CREBBP: variants seen among roughly 807,000 people sequenced by gnomAD.
The protein encoded by CREBBP is CREB binding lysine acetyltransferase.
In CREBBP, 19 loss-of-function variants were observed where a neutral mutation model predicts 265.0. The ratio of observed to expected loss-of-function variants is 0.07; its 90% confidence interval spans 0.05 to 0.11. The LOEUF (loss-of-function observed/expected upper bound fraction) is 0.11, where lower values mean the gene tolerates loss of function less well. CREBBP is among the 10% of genes least tolerant of loss of function. CREBBP has a pLI of 1.00. For missense variants in CREBBP, 2,525 were observed against 3,219.0 expected (o/e 0.78, Z 5.22); for synonymous variants, 1,457 against 1,223.7 (o/e 1.19, Z -3.98).
chr16:3,850,234 C>T, intron 2 of CREBBP, 63 bp downstream of exon 2: 1 of 1,556,384 alleles, frequency 6.4e-7, no homozygotes, highest in Non-Finnish European at 8.9e-7. Flanking sequence ...CCATTTTACG[C>T]ATTACTCGGA....
intron 5 of CREBBP, among the ~76,000 whole-genome samples, chr16:3,783,348 C>G (rs1317274248): frequency 6.6e-6 from 1 of 152,196 alleles, no homozygotes; most frequent in Admixed American, 6.5e-5. Context: ...TGACCCCAAC[C>G]CTGTCCTTCA....
In CREBBP at chr16:3,793,567, A is replaced by G; in HGVS notation, c.1035T>C (p.Thr345=). Residue 345 remains threonine (T), a synonymous_variant, in exon 4 of 31, where the codon ACT becomes ACC. Coordinates refer to ENST00000262367, the MANE Select transcript of CREBBP (RefSeq NM_004380.3). ...VPTQAIATGP[T]ADPEKRKLIQ... ...TCAGTTTGCGTTTTTCAGGATCTGC[A>G]GTGGGGCCTGTTGCAATTGCTTGTG... 1.2e-6 allele frequency: 2 copies of G among 1,614,064 alleles called. No homozygotes were observed. Among genetic ancestry groups the G allele is most frequent in the East Asian group, 4.5e-5 (2 of 44,882 alleles).
chr16:3,770,117 G>A (rs1394957458), intron 14 of CREBBP, among the ~76,000 whole-genome samples: 2 of 152,280 alleles, frequency 1.3e-5, no homozygotes, highest in South Asian at 2.1e-4. Flanking sequence ...TGATCCGCCT[G>A]CCTCAGCCTC....
intron 2 of CREBBP, among the ~76,000 whole-genome samples, chr16:3,813,310 G>A (rs1291804288): frequency 6.6e-6 from 1 of 152,160 alleles, no homozygotes; most frequent in African/African-American, 2.4e-5. Context: ...TAATTCTTCT[G>A]CAAGTCCACA....
At chr16:3,734,717 G>A (rs1274292104) in intron 28 of CREBBP, among the ~76,000 whole-genome samples, 1 of 151,606 alleles carries the variant, frequency 6.6e-6, no homozygotes, top group Non-Finnish European at 1.5e-5. Flanking sequence ...TCTGTCCTGC[G>A]AATGACACTC....
At chr16:3,878,642 A>G (rs2055452541) in intron 1 of CREBBP, among the ~76,000 whole-genome samples, 1 of 152,204 alleles carries the variant, frequency 6.6e-6, no homozygotes, top group Admixed American at 6.5e-5. Context: ...CCACAAGTTG[A>G]ACAGCTGTGT....
intron 2 of CREBBP, among the ~76,000 whole-genome samples, chr16:3,816,823 G>A (rs144966767): frequency 4.6e-5 from 7 of 152,270 alleles, no homozygotes; most frequent in East Asian, 3.9e-4. Flanking sequence ...GGGATGCAGC[G>A]GAAGGACCCA....
rs1567360724 is a variant in CREBBP at position 3,849,449 on chromosome 16, GTGT to G, written c.798+845_798+847del. On this transcript the variant is annotated intron_variant, in intron 2 of 30. Transcript: ENST00000262367. The stretch of plus-strand genomic sequence containing the variant: ...TGTGTGTGTGTGTGTGTGTGTGTGT[GTGT>G]GTGTGTGTGTGTGTGTGTGTGTGTG... Among the ~76,000 whole-genome samples, 144 of 49,070 alleles carry G rather than the reference GTGT, an allele frequency of 2.9e-3. 7 individuals are homozygous for G. The highest frequency in any genetic ancestry group is 3.7e-3 in the Non-Finnish European group (69 of 18,526). 32.2% of individuals were successfully genotyped at this position (49,070 alleles called of 152,430 possible).
At position 3,872,616 on chromosome 16, in the gene CREBBP, C is replaced by T. The variant is rs559665086; in HGVS notation, c.85+7216G>A. ...GGAGGGATGCACTGCAAGGAAAAGA[C>T]CTCAGAGAGGACTAAAGGGAACGCT... On this transcript the variant is annotated intron_variant, in intron 1 of 30. Transcript: ENST00000262367. Among the ~76,000 whole-genome samples, 42 of 152,308 alleles carry T rather than the reference C, an allele frequency of 2.8e-4. 1 individual carries two copies. The South Asian group carries it at 8.1e-3, about 29-fold the overall frequency.
At chr16:3,849,034 C>T (rs994317944) in intron 2 of CREBBP, among the ~76,000 whole-genome samples, 4 of 152,206 alleles carry the variant, frequency 2.6e-5, no homozygotes, top group Non-Finnish European at 5.9e-5. Context: ...GTGTTCTACT[C>T]TTATTCTCCC....
At chr16:3,802,125 T>A (rs1381692109) in intron 3 of CREBBP, among the ~76,000 whole-genome samples, 1 of 103,762 alleles carries the variant, frequency 9.6e-6, no homozygotes, top group Non-Finnish European at 1.9e-5. Context: ...TTTTTTTTTT[T>A]TTTTTTTTTT....
At chr16:3,810,454 TAGAGAG>T (rs1326398772) in intron 3 of CREBBP, 143 bp downstream of exon 3, 448 of 883,204 alleles carry the variant, frequency 5.1e-4, no homozygotes, top group Non-Finnish European at 7.8e-4. Flanking sequence ...TAAACTCATT[TAGAGAG>T]CTACTCATGA....
chr16:3,785,354 G>A (rs926363477), intron 5 of CREBBP, among the ~76,000 whole-genome samples: 2 of 152,214 alleles, frequency 1.3e-5, no homozygotes, highest in African/African-American at 4.8e-5. Flanking sequence ...CAGACATGGT[G>A]TGGGCACAAT....
chr16:3,749,142 C>T (rs182886894), intron 21 of CREBBP, among the ~76,000 whole-genome samples: 52 of 152,250 alleles, frequency 3.4e-4, no homozygotes, highest in African/African-American at 1.2e-3. Context: ...GCGAGACTGT[C>T]TCAAAAAACA....
At chr16:3,819,668 T>C (rs1038445917) in intron 2 of CREBBP, among the ~76,000 whole-genome samples, 18 of 152,352 alleles carry the variant, frequency 1.2e-4, no homozygotes, top group African/African-American at 1.4e-4. Context: ...TATTTTCTAA[T>C]TGTCCTGGTA....
chr16:3,858,892 G>T (rs2055016391), intron 1 of CREBBP, among the ~76,000 whole-genome samples: 1 of 152,188 alleles, frequency 6.6e-6, no homozygotes, highest in African/African-American at 2.4e-5. Flanking sequence ...CATAATGTAG[G>T]ATGAGCAACA....
chr16:3,769,257 G>A lies in CREBBP; in HGVS notation c.2977C>T (p.Pro993Ser), dbSNP rs886042430. Residue 993 changes from proline to serine, a missense_variant, in exon 15 of 31, where the codon CCT becomes TCT. This residue lies in a region of CREBBP where 548 missense variants were observed against 533.0 expected (regional missense o/e 1.03). Transcript: ENST00000262367. ...TNSQQPGPDV[P>S]VLEMKTETQA... ...GTCTCCGTCTTCATTTCCAGCACAG[G>A]TACGTCAGGTCCTGGCTGCTGGGAA... The A allele has an allele frequency of 6.2e-7, 1 of 1,614,150 alleles. No individual in the cohort carries two copies. Among genetic ancestry groups the A allele is most frequent in the Admixed American group, 1.7e-5 (1 of 60,020 alleles).
chr16:3,850,236 T>G, intron 2 of CREBBP, 61 bp downstream of exon 2: 1 of 1,572,224 alleles, frequency 6.4e-7, no homozygotes, highest in Non-Finnish European at 8.8e-7. Flanking sequence ...ATTTTACGCA[T>G]TACTCGGAGG....
Position 3,780,765 on chromosome 16 carries a change from G to T in CREBBP, c.1790C>A (p.Thr597Asn), listed in dbSNP as rs767631618. The T allele has an allele frequency of 1.2e-6, 2 of 1,614,126 alleles. No homozygotes were observed. Among genetic ancestry groups the T allele is most frequent in the Admixed American group, 3.3e-5 (2 of 60,036 alleles). Residue 597 changes from threonine to asparagine, a missense_variant, in exon 8 of 31, where the codon ACT becomes AAT. By Grantham distance (65) the Thr-to-Asn change is moderately conservative. Around this residue, in one of 19 missense-constraint regions of CREBBP, gnomAD observed 144 missense variants for 134.0 expected, o/e 1.07. Transcript: ENST00000262367. ...GVRKGWHEHV[T>N]QDLRSHLVHK... ...CACTAGATGGCTCCGCAGGTCCTGA[G>T]TGACATGTTCGTGCCAGCCTTTCCT...
Sources: allele counts gnomAD v4.1 joint callset (sites outside exome capture counted in the v4.1 genomes callset), GRCh38; gene constraint gnomAD v4.1.1; regional missense constraint gnomAD v4.1.1; transcripts MANE v1.5; gene names NCBI Gene and HGNC (gene_info 2026-07-23, HGNC 2026-07-21).